Variants in COL14A1 observed in about 807,000 individuals in gnomAD.
The protein encoded by COL14A1 is collagen type XIV alpha 1 chain.
COL14A1 carries 136 observed loss-of-function variants against 230.3 expected under a neutral mutation model. The observed-to-expected ratio is 0.59, with a 90% CI of 0.51 to 0.68. The LOEUF is 0.68. COL14A1 is among the 30% of genes least tolerant of loss of function. The pLI is 0.00. For synonymous variants in COL14A1, 792 were observed against 784.1 expected, an observed-to-expected ratio of 1.01 and a Z score of -0.17; for missense variants, 1,976 against 2,215.8, an observed-to-expected ratio of 0.89 and a Z score of 2.17.
intron 2 of COL14A1, among the ~76,000 whole-genome samples, chr8:120,148,382 C>T (rs886300255): frequency 1.3e-5 from 2 of 152,140 alleles, no homozygotes; most frequent in Admixed American, 1.3e-4. Context: ...CTGCCCACCT[C>T]GGCCTCCCGA....
intron 36 of COL14A1, among the ~76,000 whole-genome samples, chr8:120,305,048 G>A (rs906161991): frequency 1.3e-5 from 2 of 150,434 alleles, no homozygotes; most frequent in Admixed American, 6.7e-5. Context: ...GCACAATCTC[G>A]GCTCACCACA....
chr8:120,268,508 G>T (rs927821411), intron 25 of COL14A1, among the ~76,000 whole-genome samples: 1 of 151,550 alleles, frequency 6.6e-6, no homozygotes. Context: ...GGGTCTGTGG[G>T]GTTAAGGATT....
At chr8:120,176,228 T>C (rs1816279323) in intron 5 of COL14A1, among the ~76,000 whole-genome samples, 1 of 152,218 alleles carries the variant, frequency 6.6e-6, no homozygotes, top group South Asian at 2.1e-4. Flanking sequence ...AATTATCACC[T>C]AGTGTCAAGC....
intron 5 of COL14A1, among the ~76,000 whole-genome samples, chr8:120,175,684 A>C (rs979198796): frequency 4.6e-5 from 7 of 152,186 alleles, no homozygotes; most frequent in African/African-American, 1.4e-4. Context: ...ATCAGAGTTG[A>C]GTATTTGCAA....
chr8:120,209,460 G>A (rs1157405862), intron 11 of COL14A1, among the ~76,000 whole-genome samples: 1 of 152,144 alleles, frequency 6.6e-6, no homozygotes, highest in Non-Finnish European at 1.5e-5. Context: ...ATGAAGGGCT[G>A]TAAGCACTCT....
intron 4 of COL14A1, among the ~76,000 whole-genome samples, chr8:120,164,116 A>G (rs1281810855): frequency 6.6e-6 from 1 of 152,232 alleles, no homozygotes; most frequent in Non-Finnish European, 1.5e-5. Context: ...TTTATTATTA[A>G]GGACAATTTA....
intron 38 of COL14A1, among the ~76,000 whole-genome samples, 177 bp downstream of exon 38, chr8:120,314,204 GTCTTTTAACAAATAA>G (rs1187527988): frequency 1.8e-4 from 27 of 152,270 alleles, no homozygotes; most frequent in Admixed American, 1.2e-3. Flanking sequence ...AATGATGAAG[GTCTTTTAACAAATAA>G]GTACATGCAT....
chr8:120,243,996 C>G lies in COL14A1; in HGVS notation c.2467C>G (p.Pro823Ala), dbSNP rs756274205. 1 of 1,610,922 alleles carries G rather than the reference C, an allele frequency of 6.2e-7. No individual in the cohort carries two copies. Among genetic ancestry groups the G allele is most frequent in the East Asian group, 2.2e-5 (1 of 44,828 alleles). Residue 823 changes from proline to alanine, a missense_variant, in exon 20 of 48, where the codon CCT (proline) becomes GCT (alanine). By Grantham distance (27) the Pro-to-Ala change is conservative. Around this residue, in one of 3 missense-constraint regions of COL14A1, gnomAD observed 1,791 missense variants for 2,019.5 expected, o/e 0.89. Coordinates refer to ENST00000297848, the MANE Select transcript of COL14A1 (RefSeq NM_021110.4). Reference sequence around the variant, plus strand: ...TGGCGAAGGCGTCAGCGTCTCCGCTCCTGGAAAAACCTGTAAGTGAAGCTT... The same window carrying G: ...TGGCGAAGGCGTCAGCGTCTCCGCTGCTGGAAAAACCTGTAAGTGAAGCTT... The part of the protein sequence containing the change: ...TDGEGVSVSA[P>A]GKTLPSSGPQ...
chr8:120,372,013 A>G lies in COL14A1; in HGVS notation c.*782A>G, dbSNP rs1484577772. 1 of 183,292 alleles carries G rather than the reference A, an allele frequency of 5.5e-6. No individual in the cohort carries two copies. Among genetic ancestry groups the G allele is most frequent in the Non-Finnish European group, 1.1e-5 (1 of 88,404 alleles). The allele number at this position is 183,292 out of a possible 1,614,324, so 11.4% of individuals were successfully genotyped here. A position where few individuals can be genotyped will look rare whatever the true frequency, so the allele number is the denominator to read the frequency against. On this transcript the variant is annotated 3_prime_UTR_variant, in exon 48 of 48. Transcript: ENST00000297848. ...AAACCTATTTCCATTTTCTTTTGTA[A>G]GCAAATAAAACTTTAAAACAATGTA...
At chr8:120,321,376 C>A (rs944923603) in intron 40 of COL14A1, among the ~76,000 whole-genome samples, 55 of 152,142 alleles carry the variant, frequency 3.6e-4, no homozygotes, top group Admixed American at 3.4e-3. Context: ...CACGGTGGCT[C>A]ACGCCTATAA....
At position 120,320,329 on chromosome 8, in the gene COL14A1, G is replaced by A. The variant is rs147011828; in HGVS notation, c.4659+4332G>A. On this transcript the variant is annotated intron_variant, in intron 40 of 47. Coordinates refer to ENST00000297848, the MANE Select transcript of COL14A1 (RefSeq NM_021110.4). ...TTATAAGGCTTGTACTTGACACGTC[G>A]AGATGCCTTAGAAGACTGAAGAAAT... Among the ~76,000 whole-genome samples the A allele has an allele frequency of 4.6e-5, 7 of 152,174 alleles. No homozygotes were observed. The East Asian group carries it at 7.7e-4, about 17-fold the overall frequency.
At chr8:120,322,633 G>A (rs2130157365) in intron 40 of COL14A1, among the ~76,000 whole-genome samples, 2 of 152,284 alleles carry the variant, frequency 1.3e-5, no homozygotes, top group South Asian at 4.2e-4. Flanking sequence ...ACTTGTAAGT[G>A]AGAACATGCA....
At chr8:120,326,105 A>C (rs1480641549) in intron 40 of COL14A1, among the ~76,000 whole-genome samples, 1 of 152,208 alleles carries the variant, frequency 6.6e-6, no homozygotes, top group African/African-American at 2.4e-5. Context: ...TGTGAGAAGA[A>C]GGGCCTGAAC....
chr8:120,370,431 C>T, intron 47 of COL14A1: 2 of 1,591,452 alleles, frequency 1.3e-6, no homozygotes, highest in East Asian at 4.5e-5. Flanking sequence ...CAGAACTGTC[C>T]TGTCAACCAC....
At chr8:120,370,169 C>G (rs1465160860) in intron 47 of COL14A1, among the ~76,000 whole-genome samples, 1 of 152,192 alleles carries the variant, frequency 6.6e-6, no homozygotes, top group Non-Finnish European at 1.5e-5. Flanking sequence ...GGCTGAGGGA[C>G]TGCTGTGGGG....
intron 45 of COL14A1, among the ~76,000 whole-genome samples, chr8:120,348,006 T>C (rs1220291672): frequency 6.6e-6 from 1 of 151,886 alleles, no homozygotes; most frequent in Non-Finnish European, 1.5e-5. Flanking sequence ...ATAGGAGTCT[T>C]CCTAAAAAAA....
chr8:120,301,224 G>C (rs754166227), intron 36 of COL14A1, among the ~76,000 whole-genome samples: 1 of 151,950 alleles, frequency 6.6e-6, no homozygotes, highest in Non-Finnish European at 1.5e-5. Flanking sequence ...TTAGGTTCAG[G>C]GGTACATGCG....
intron 42 of COL14A1, among the ~76,000 whole-genome samples, chr8:120,337,308 A>C (rs1475962023): frequency 6.6e-6 from 1 of 151,672 alleles, no homozygotes; most frequent in Non-Finnish European, 1.5e-5. Flanking sequence ...AAAGACGAGA[A>C]TCGCTTAAAC....
intron 8 of COL14A1, among the ~76,000 whole-genome samples, chr8:120,203,251 T>C (rs962424880): frequency 2.6e-5 from 4 of 151,630 alleles, no homozygotes; most frequent in Non-Finnish European, 5.9e-5. Flanking sequence ...CAATCTCACA[T>C]GAAATGTTCC....
Sources: gnomAD v4.1 joint callset for allele counts (sites outside exome capture counted in the v4.1 genomes callset) on GRCh38, gnomAD v4.1.1 for gene constraint, gnomAD v4.1.1 regional missense constraint, MANE v1.5 for transcripts, NCBI Gene and HGNC (gene_info 2026-07-23, HGNC 2026-07-21) for gene names.